Variants in IGLL5 observed in about 807,000 individuals in gnomAD.
The protein encoded by IGLL5 is immunoglobulin lambda like polypeptide 5.
Under a neutral mutation model 20.9 loss-of-function variants are expected in IGLL5, and 30 were observed. The ratio of observed to expected loss-of-function variants is 1.44; its 90% CI spans 1.07 to 1.95. The LOEUF (loss-of-function observed/expected upper bound fraction) is 1.95. Ranked by LOEUF, IGLL5 falls within the 30% of genes most tolerant of loss-of-function variation. The probability of loss-of-function intolerance (pLI) is 0.00; values close to 1 mark genes in which losing one functional copy is unlikely to be tolerated. For missense variants in IGLL5, 475 were observed against 270.7 expected, an observed-to-expected ratio of 1.75 and a Z score of -5.30; for synonymous variants, 203 against 117.3, an observed-to-expected ratio of 1.73 and a Z score of -4.72.
intron 1 of IGLL5, among the ~76,000 whole-genome samples, chr22:22,889,317 C>G: frequency 6.6e-6 from 1 of 151,086 alleles, no homozygotes; most frequent in East Asian, 2.0e-4. Context: ...CAGAGGGGAG[C>G]AGACACGCTC....
At chr22:22,889,113 A>T (rs190443297) in intron 1 of IGLL5, among the ~76,000 whole-genome samples, 1 of 151,138 alleles carries the variant, frequency 6.6e-6, no homozygotes, top group African/African-American at 2.4e-5. Flanking sequence ...GTTTTTGGAA[A>T]AATCAGCACC....
chr22:22,889,244 T>G (rs1380913107), intron 1 of IGLL5, among the ~76,000 whole-genome samples: 1 of 150,982 alleles, frequency 6.6e-6, no homozygotes, highest in East Asian at 2.0e-4. Context: ...ACACTCAGAT[T>G]CAGAGCACCC....
intron 2 of IGLL5, among the ~76,000 whole-genome samples, chr22:22,894,093 G>T (rs1293512207): frequency 2.6e-5 from 4 of 151,398 alleles, no homozygotes; most frequent in East Asian, 2.0e-4. Flanking sequence ...AGATGTCTGA[G>T]TGAGGGACAG....
intron 2 of IGLL5, among the ~76,000 whole-genome samples, chr22:22,894,244 AGGGTC>A (rs2146036865): frequency 6.6e-6 from 1 of 150,994 alleles, no homozygotes; most frequent in Admixed American, 6.6e-5. Flanking sequence ...AGAACAGCTG[AGGGTC>A]TAGGCTGAGG....
rs147164616 is a variant in IGLL5 at position 22,895,436 on chromosome 22, C to T, written c.387C>T (p.Ala129=). The change falls in exon 3 of 3, where the codon GCC becomes GCT. Residue 129 remains alanine (A), a synonymous_variant. Transcript: ENST00000526893. ...CGCCCTCCTCTGAGGAGCTCCAAGC[C>T]AACAAGGCCACACTAGTGTGTCTGA... The part of the protein sequence containing the change: ...LFPPSSEELQ[A]NKATLVCLIS... The T allele has an allele frequency of 3.3e-4, 526 of 1,612,998 alleles. 8 individuals carry two copies. The East Asian group carries it at 0.012, about 36-fold the overall frequency.
In IGLL5 at chr22:22,888,401, G is replaced by C. The variant is rs551360218; in HGVS notation, c.206+142G>C. ...GGGCTGACACTGGCTTTAGTAATGGGTTGATATTTTGTCCATCACAGATTT... is the reference window on the plus strand; with the variant it reads ...GGGCTGACACTGGCTTTAGTAATGGCTTGATATTTTGTCCATCACAGATTT... On this transcript the variant is annotated intron_variant, in intron 1 of 2. Transcript: ENST00000526893. 1.5e-5 allele frequency: 10 copies of C among 664,214 alleles called. 1 individual carries two copies. The highest frequency in any genetic ancestry group is 3.7e-5 in the African/African-American group (2 of 54,636). The allele number at this position is 664,214 out of a possible 1,614,324, so 41.1% of individuals were successfully genotyped here.
chr22:22,890,689 T>C (rs2067815175), intron 1 of IGLL5, among the ~76,000 whole-genome samples: 1 of 150,340 alleles, frequency 6.7e-6, no homozygotes, highest in African/African-American at 2.4e-5. Flanking sequence ...TTTGAAATCT[T>C]ATAGGTAGTG....
intron 1 of IGLL5, among the ~76,000 whole-genome samples, chr22:22,891,899 T>C (rs1264260631): frequency 1.3e-5 from 2 of 151,168 alleles, no homozygotes; most frequent in African/African-American, 2.4e-5. Flanking sequence ...CTTCAGCTGA[T>C]TCTCCGTGTG....
chr22:22,894,708 G>A (rs1461802361), intron 2 of IGLL5, among the ~76,000 whole-genome samples: 4 of 151,458 alleles, frequency 2.6e-5, no homozygotes, highest in African/African-American at 7.3e-5. Flanking sequence ...CATAGTCTGT[G>A]GGAGCAGCCC....
At position 22,887,823 on chromosome 22, in the gene IGLL5, C is replaced by T. The variant is rs1157889777; in HGVS notation, c.-231C>T. The stretch of plus-strand genomic sequence containing the variant: ...GCAGTTGAGCCCTGGATTGTGACCG[C>T]TTCAGGGCAGTTGGTAGATGCCCCT... On this transcript the variant is annotated 5_prime_UTR_variant, in exon 1 of 3. Coordinates refer to ENST00000526893, the MANE Select transcript of IGLL5 (RefSeq NM_001178126.2). The T allele has an allele frequency of 1.7e-6, 1 of 599,532 alleles. No homozygotes were observed. The allele number at this position is 599,532 out of a possible 1,614,324, so 37.1% of individuals were successfully genotyped here. A position where few individuals can be genotyped will look rare whatever the true frequency, so the allele number is the denominator to read the frequency against.
rs552432937 is a variant in IGLL5 at position 22,888,580 on chromosome 22, C to A, written c.206+321C>A. ...AGGAACAGAGGCAGGGACAGGACAT[C>A]CACAGGGGGTGGTGGCCACTGTCCC... On this transcript the variant is annotated intron_variant, in intron 1 of 2. Coordinates refer to ENST00000526893, the MANE Select transcript of IGLL5 (RefSeq NM_001178126.2). 1.3e-5 allele frequency among the ~76,000 whole-genome samples: 2 copies of A among 151,290 alleles called. 1 individual carries two copies. The highest frequency in any genetic ancestry group is 1.3e-4 in the Admixed American group (2 of 15,136).
rs766249945 is a variant in IGLL5 at position 22,888,188 on chromosome 22, G to A, written c.135G>A (p.Pro45=). The A allele has an allele frequency of 1.2e-5, 18 of 1,548,710 alleles. No individual in the cohort carries two copies. The highest frequency in any genetic ancestry group is 2.7e-5 in the African/African-American group (2 of 72,780). Reference sequence around the variant, plus strand: ...GCCTGCTGCGCCCAATGGTTGCACCGCAAAGCGGGGACCCAGACCCTGGAG... The same window carrying A: ...GCCTGCTGCGCCCAATGGTTGCACCACAAAGCGGGGACCCAGACCCTGGAG... ...AHGLLRPMVA[P]QSGDPDPGAS... The change falls in exon 1 of 3, where the codon CCG becomes CCA. Residue 45 remains proline (P), a synonymous_variant. Transcript: ENST00000526893.
At chr22:22,894,518 A>C (rs1601626991) in intron 2 of IGLL5, among the ~76,000 whole-genome samples, 2 of 151,426 alleles carry the variant, frequency 1.3e-5, no homozygotes, top group South Asian at 2.1e-4. Flanking sequence ...GAGCCCCGTC[A>C]CCTCTGGGGC....
intron 2 of IGLL5, among the ~76,000 whole-genome samples, chr22:22,895,060 T>C (rs576771941): frequency 1.3e-5 from 2 of 151,346 alleles, no homozygotes; most frequent in African/African-American, 4.8e-5. Context: ...GGCCAGATTC[T>C]AAACTCAGAC....
intron 2 of IGLL5, among the ~76,000 whole-genome samples, chr22:22,894,578 T>G (rs571233531): frequency 2.6e-5 from 4 of 151,280 alleles, no homozygotes; most frequent in South Asian, 4.2e-4. Context: ...TCAAAGGGCA[T>G]GTTAGACTCA....
At chr22:22,894,402 G>T (rs2068027241) in intron 2 of IGLL5, among the ~76,000 whole-genome samples, 1 of 151,472 alleles carries the variant, frequency 6.6e-6, no homozygotes, top group South Asian at 2.1e-4. Context: ...AGGACATGGG[G>T]ACACAGAGGG....
chr22:22,894,154 T>C (rs530693564), intron 2 of IGLL5, among the ~76,000 whole-genome samples: 2 of 151,444 alleles, frequency 1.3e-5, no homozygotes, highest in East Asian at 2.0e-4. Context: ...CATTGCCCAG[T>C]GACTCCTGGG....
rs545955063 is a variant in IGLL5 at position 22,893,784 on chromosome 22, T to A, written c.291T>A (p.Tyr97Ter). The stretch of plus-strand genomic sequence containing the variant: ...GGTCTGAGCCTCAGTCACTGTGTTA[T>A]GTCTTCGGAACTGGGACCAAGGTCA... ...GFWSEPQSLC[Y>*]VFGTGTKVTV... The change falls in exon 2 of 3, where the codon TAT becomes TAA. Residue 97 changes from tyrosine (Y) to a stop codon, truncating the protein, a stop_gained. Transcript: ENST00000526893. LOFTEE classifies it high-confidence loss of function. The A allele has an allele frequency of 1.2e-6, 2 of 1,610,440 alleles. No homozygotes were observed.
chr22:22,894,172 A>C (rs1601624200), intron 2 of IGLL5, among the ~76,000 whole-genome samples: 4 of 151,420 alleles, frequency 2.6e-5, no homozygotes, highest in African/African-American at 7.3e-5. Context: ...GGGGTCAAGG[A>C]CAGAGGCTGC....
Sources: allele counts gnomAD v4.1 joint callset (sites outside exome capture counted in the v4.1 genomes callset), GRCh38; gene constraint gnomAD v4.1.1; transcripts MANE v1.5; gene names NCBI Gene and HGNC (gene_info 2026-07-23, HGNC 2026-07-21).